Variants in ULK4 observed in about 807,000 individuals in gnomAD.
ULK4 encodes the protein inactive serine/threonine-protein kinase ULK4.
ULK4 carries 133 observed loss-of-function variants against 160.6 expected under a neutral mutation model. The observed-to-expected ratio is 0.83, with a 90% CI of 0.72 to 0.96. The LOEUF is 0.96. Ranked by LOEUF, ULK4 falls within the 40% of genes least tolerant of loss-of-function variation. The pLI, the probability that ULK4 is intolerant of heterozygous loss-of-function variation, is 0.00. For synonymous variants in ULK4, 534 were observed against 539.8 expected (o/e 0.99, Z 0.15); for missense variants, 1,580 against 1,499.5 (o/e 1.05, Z -0.89).
chr3:41,365,529 A>G (rs1265455314), intron 35 of ULK4, among the ~76,000 whole-genome samples: 2 of 152,254 alleles, frequency 1.3e-5, no homozygotes, highest in Non-Finnish European at 2.9e-5. Flanking sequence ...TCAAGCACTT[A>G]TGCTCCAGGC....
chr3:41,909,749 T>G (rs1331950352), intron 11 of ULK4, among the ~76,000 whole-genome samples: 3 of 151,976 alleles, frequency 2.0e-5, no homozygotes, highest in African/African-American at 7.2e-5. Context: ...ATAAATAAAA[T>G]GTGTAAAATG....
At chr3:41,263,353 G>A (rs1575368261) in intron 35 of ULK4, among the ~76,000 whole-genome samples, 2 of 152,102 alleles carry the variant, frequency 1.3e-5, no homozygotes, top group East Asian at 1.9e-4. Flanking sequence ...GGTGGGAAAC[G>A]GGAGGGAGAT....
rs146612563 is a variant in ULK4, at chr3:41,525,278, G to A, written c.3226+40747C>T. Among the ~76,000 whole-genome samples, 525 of 152,274 alleles carry A rather than the reference G, an allele frequency of 3.4e-3. 1 individual carries two copies. Among genetic ancestry groups the A allele is most frequent in the African/African-American group, 8.6e-3 (359 of 41,546 alleles). The stretch of plus-strand genomic sequence containing the variant: ...GAAGCAGGACAGCAAGGAACACTAT[G>A]ACTATTAATCTTTAGCATTACCCGT... On this transcript the variant is annotated intron_variant, in intron 32 of 36. Coordinates refer to ENST00000301831, the MANE Select transcript of ULK4 (RefSeq NM_017886.4).
chr3:41,810,500 T>C (rs988122631), intron 19 of ULK4, among the ~76,000 whole-genome samples: 3 of 152,204 alleles, frequency 2.0e-5, no homozygotes. Flanking sequence ...GTCTGTTCTA[T>C]TTCTCTGTCT....
chr3:41,824,570 A>G (rs1424656876), intron 18 of ULK4, among the ~76,000 whole-genome samples: 1 of 152,162 alleles, frequency 6.6e-6, no homozygotes, highest in Non-Finnish European at 1.5e-5. Context: ...GCTCATTGCT[A>G]GCACAGCAGT....
chr3:41,536,527 A>T (rs1484828119), intron 32 of ULK4, among the ~76,000 whole-genome samples: 1 of 152,170 alleles, frequency 6.6e-6, no homozygotes, highest in Non-Finnish European at 1.5e-5. Context: ...TTGACTGGGA[A>T]TCTTACTGAT....
At chr3:41,451,480 G>A (rs774122494) in intron 34 of ULK4, among the ~76,000 whole-genome samples, 4 of 151,654 alleles carry the variant, frequency 2.6e-5, no homozygotes, top group Non-Finnish European at 4.4e-5. Context: ...GGAAATTTTC[G>A]AGAAATGACA....
intron 32 of ULK4, among the ~76,000 whole-genome samples, chr3:41,536,635 A>G (rs1472883003): frequency 1.3e-5 from 2 of 152,244 alleles, no homozygotes; most frequent in Non-Finnish European, 2.9e-5. Flanking sequence ...AGAAAATGTT[A>G]TCAAGAATAT....
At chr3:41,454,074 G>A (rs1460962750) in intron 34 of ULK4, among the ~76,000 whole-genome samples, 2 of 149,538 alleles carry the variant, frequency 1.3e-5, no homozygotes, top group South Asian at 2.1e-4. Context: ...TATACCTAAT[G>A]TAAATGATGA....
At chr3:41,502,221 G>A (rs898288100) in intron 32 of ULK4, among the ~76,000 whole-genome samples, 8 of 152,216 alleles carry the variant, frequency 5.3e-5, no homozygotes, top group Admixed American at 4.6e-4. Flanking sequence ...CCCAGAAGTA[G>A]AATTGCTGGA....
intron 18 of ULK4, among the ~76,000 whole-genome samples, chr3:41,820,576 G>C (rs1352695069): frequency 6.6e-6 from 1 of 151,974 alleles, no homozygotes; most frequent in Non-Finnish European, 1.5e-5. Flanking sequence ...AACTAAACAT[G>C]AATACACACA....
chr3:41,357,225 A>G (rs914500434), intron 35 of ULK4, among the ~76,000 whole-genome samples: 6 of 152,198 alleles, frequency 3.9e-5, no homozygotes, highest in Non-Finnish European at 7.3e-5. Flanking sequence ...GATAAAGAAA[A>G]TAAATACTTA....
At chr3:41,837,988 A>G (rs546273706) in intron 17 of ULK4, among the ~76,000 whole-genome samples, 44 of 152,358 alleles carry the variant, frequency 2.9e-4, no homozygotes, top group African/African-American at 1.0e-3. Flanking sequence ...AAAAGGAACC[A>G]TGTAGCTTCA....
At chr3:41,907,285 T>A (rs998524125) in intron 12 of ULK4, among the ~76,000 whole-genome samples, 1 of 132,886 alleles carries the variant, frequency 7.5e-6, no homozygotes, top group Non-Finnish European at 1.7e-5. Flanking sequence ...GGTCCCTGAA[T>A]TGTACCCTTT....
At chr3:41,890,540 C>A (rs2148778682) in intron 16 of ULK4, among the ~76,000 whole-genome samples, 1 of 151,390 alleles carries the variant, frequency 6.6e-6, no homozygotes, top group South Asian at 2.1e-4. Context: ...ATTAGCTGGG[C>A]ATGGTGGTGC....
At chr3:41,695,816 G>T (rs1195722269) in intron 27 of ULK4, among the ~76,000 whole-genome samples, 1 of 151,978 alleles carries the variant, frequency 6.6e-6, no homozygotes, top group Non-Finnish European at 1.5e-5. Flanking sequence ...TTAATCATTA[G>T]TTTGTAGCAA....
In ULK4 at chr3:41,616,976, T is replaced by C. The variant is rs547107899; in HGVS notation, c.3072-1259A>G. ...GGGGAATCTGCCATTACTGAGACTT[T>C]AGTAGGTGGTTTTTCCCTGACAGTG... On this transcript the variant is annotated intron_variant, in intron 30 of 36. Coordinates refer to ENST00000301831, the MANE Select transcript of ULK4 (RefSeq NM_017886.4). Among the ~76,000 whole-genome samples the C allele has an allele frequency of 8.5e-4, 130 of 152,266 alleles. 1 individual carries two copies. Among genetic ancestry groups the C allele is most frequent in the African/African-American group, 3.0e-3 (123 of 41,558 alleles).
intron 34 of ULK4, among the ~76,000 whole-genome samples, chr3:41,422,787 A>G (rs1464763972): frequency 1.3e-5 from 2 of 152,190 alleles, no homozygotes; most frequent in Admixed American, 1.3e-4. Context: ...GGTAACTAGT[A>G]CTTATAAAAT....
At chr3:41,888,833 G>A (rs1697818196) in intron 16 of ULK4, among the ~76,000 whole-genome samples, 1 of 152,150 alleles carries the variant, frequency 6.6e-6, no homozygotes, top group Non-Finnish European at 1.5e-5. Context: ...AATTGCAGAG[G>A]CCTCCAGCCT....
Sources: gnomAD v4.1 joint callset for allele counts (sites outside exome capture counted in the v4.1 genomes callset) on GRCh38, gnomAD v4.1.1 for gene constraint, MANE v1.5 for transcripts, NCBI Gene and HGNC (gene_info 2026-07-23, HGNC 2026-07-21) for gene names.